The following LIMCH1 variants were observed in gnomAD, a reference collection of about 807,000 sequenced individuals.
LIMCH1 encodes LIM and calponin homology domains 1.
In LIMCH1, 113 loss-of-function variants were observed where a neutral mutation model predicts 176.5. The ratio of observed to expected loss-of-function variants is 0.64; its 90% CI spans 0.55 to 0.75. The LOEUF (loss-of-function observed/expected upper bound fraction) is 0.75, where lower values mean the gene tolerates loss of function less well. LIMCH1 is among the 30% of genes least tolerant of loss of function. LIMCH1 has a pLI of 0.00. For synonymous variants in LIMCH1, 619 were observed against 645.9 expected, an observed-to-expected ratio of 0.96 and a Z score of 0.63; for missense variants, 1,674 against 1,814.9, an observed-to-expected ratio of 0.92 and a Z score of 1.41.
intron 1 of LIMCH1, among the ~76,000 whole-genome samples, chr4:41,468,908 A>G (rs1282184810): frequency 6.6e-6 from 1 of 152,160 alleles, no homozygotes; most frequent in Non-Finnish European, 1.5e-5. Flanking sequence ...AAGAGGTTGA[A>G]AAACTGTCAC....
intron 1 of LIMCH1, among the ~76,000 whole-genome samples, chr4:41,427,505 C>T (rs2061223475): frequency 6.6e-6 from 1 of 152,144 alleles, no homozygotes; most frequent in South Asian, 2.1e-4. Flanking sequence ...TCACTTGGTT[C>T]CGAGCAGTGA....
chr4:41,478,728 T>G (rs750886463), intron 1 of LIMCH1, among the ~76,000 whole-genome samples: 8 of 152,218 alleles, frequency 5.3e-5, no homozygotes, highest in Admixed American at 6.5e-5. Flanking sequence ...CTCAACCCCT[T>G]CTTCCTTCCC....
At chr4:41,396,026 C>G (rs1295576619) in intron 1 of LIMCH1, among the ~76,000 whole-genome samples, 1 of 152,140 alleles carries the variant, frequency 6.6e-6, no homozygotes, top group Non-Finnish European at 1.5e-5. Context: ...CATAAGAACA[C>G]CTGGGAGAAG....
At chr4:41,546,745 T>G (rs1028595300) in intron 1 of LIMCH1, among the ~76,000 whole-genome samples, 1 of 152,100 alleles carries the variant, frequency 6.6e-6, no homozygotes, top group Non-Finnish European at 1.5e-5. Context: ...GAGCAAAAAT[T>G]ACTCTCCTAG....
chr4:41,668,994 C>T (rs1363117112), intron 21 of LIMCH1, among the ~76,000 whole-genome samples: 1 of 152,182 alleles, frequency 6.6e-6, no homozygotes, highest in African/African-American at 2.4e-5. Context: ...CCTCCCATGA[C>T]ATGTGGGAAT....
chr4:41,550,126 T>G (rs2080176525), intron 1 of LIMCH1, among the ~76,000 whole-genome samples: 1 of 151,794 alleles, frequency 6.6e-6, no homozygotes, highest in Admixed American at 6.5e-5. Flanking sequence ...ATCCTCAGTG[T>G]GGCTGCCATT....
chr4:41,625,293 G>T (rs2092872238), intron 7 of LIMCH1, among the ~76,000 whole-genome samples: 1 of 151,978 alleles, frequency 6.6e-6, no homozygotes, highest in Non-Finnish European at 1.5e-5. Flanking sequence ...GAAAAATAAA[G>T]TAAAACAGAC....
intron 2 of LIMCH1, among the ~76,000 whole-genome samples, chr4:41,518,049 C>T (rs1026960879): frequency 6.6e-6 from 1 of 152,116 alleles, no homozygotes; most frequent in African/African-American, 2.4e-5. Flanking sequence ...AACTTTCCAA[C>T]CTTGTGTTTA....
intron 1 of LIMCH1, among the ~76,000 whole-genome samples, chr4:41,416,399 C>T (rs947670801): frequency 1.6e-4 from 25 of 152,008 alleles, no homozygotes; most frequent in Admixed American, 1.1e-3. Context: ...CGCTTGTAAT[C>T]CCAGCACTTT....
intron 2 of LIMCH1, among the ~76,000 whole-genome samples, chr4:41,498,093 G>A (rs2072538518): frequency 6.6e-6 from 1 of 152,142 alleles, no homozygotes; most frequent in African/African-American, 2.4e-5. Flanking sequence ...GGCTAAGAAG[G>A]CAGCGTCAAT....
At chr4:41,682,617 G>A (rs114110193) in intron 26 of LIMCH1, among the ~76,000 whole-genome samples, 157 bp downstream of exon 26, 168 of 151,982 alleles carry the variant, frequency 1.1e-3, no homozygotes, top group African/African-American at 3.8e-3. Context: ...TTTTGTAATA[G>A]GTCTAAAATC....
chr4:41,648,961 T>C (rs1003678077), intron 17 of LIMCH1, among the ~76,000 whole-genome samples: 1 of 151,914 alleles, frequency 6.6e-6, no homozygotes, highest in Non-Finnish European at 1.5e-5. Context: ...GTTTCAGTTA[T>C]ATTTATGTGT....
At chr4:41,419,666 TTCCTTCCTTCCTTCC>T (rs1561311815) in intron 1 of LIMCH1, among the ~76,000 whole-genome samples, 2,213 of 77,230 alleles carry the variant, frequency 0.029, 146 homozygotes, top group African/African-American at 0.037. Flanking sequence ...CCTTCCTTCC[TTCCTTCCTTCCTTCC>T]TCCTTCCTTC....
At chr4:41,690,151 A>C (rs1018935477) in intron 30 of LIMCH1, among the ~76,000 whole-genome samples, 3 of 152,192 alleles carry the variant, frequency 2.0e-5, no homozygotes, top group African/African-American at 7.2e-5. Flanking sequence ...GCCCACCCAG[A>C]CTAAGTTATC....
chr4:41,621,201 C>A (rs1055754872), intron 7 of LIMCH1, among the ~76,000 whole-genome samples: 16 of 152,132 alleles, frequency 1.1e-4, no homozygotes, highest in Admixed American at 6.5e-4. Flanking sequence ...TCCTTAGTTT[C>A]TAAAGCATGT....
At chr4:41,690,701 C>T (rs764143366) in intron 30 of LIMCH1, among the ~76,000 whole-genome samples, 4 of 152,030 alleles carry the variant, frequency 2.6e-5, no homozygotes, top group Admixed American at 6.6e-5. Context: ...GAAGTTGTCC[C>T]CAAATTACTA....
At chr4:41,502,399 G>T (rs576588034) in intron 2 of LIMCH1, among the ~76,000 whole-genome samples, 2 of 152,228 alleles carry the variant, frequency 1.3e-5, no homozygotes, top group African/African-American at 4.8e-5. Context: ...ATAATAGAAT[G>T]ATTTATATTC....
chr4:41,365,781 G>T (rs1250987377), intron 1 of LIMCH1, among the ~76,000 whole-genome samples: 1 of 152,220 alleles, frequency 6.6e-6, no homozygotes. Flanking sequence ...CTGTCACATG[G>T]TAGGAAAACA....
chr4:41,640,863 G>T (rs115604608), intron 14 of LIMCH1, among the ~76,000 whole-genome samples: 8 of 152,108 alleles, frequency 5.3e-5, no homozygotes, highest in African/African-American at 9.6e-5. Context: ...CAGACCTACC[G>T]CACAGGCAAA....
Sources: allele counts gnomAD v4.1 joint callset (sites outside exome capture counted in the v4.1 genomes callset), GRCh38; gene constraint gnomAD v4.1.1; transcripts MANE v1.5; gene names NCBI Gene and HGNC (gene_info 2026-07-23, HGNC 2026-07-21).